NDNF: variants seen among roughly 807,000 people sequenced by gnomAD.
NDNF encodes the protein neuron derived neurotrophic factor.
Under a neutral mutation model 42.0 loss-of-function variants are expected in NDNF, and 16 were observed. The ratio of observed to expected loss-of-function variants is 0.38; its 90% confidence interval spans 0.26 to 0.58. The LOEUF is 0.58. Ranked by LOEUF, NDNF falls within the 20% of genes least tolerant of loss-of-function variation. The pLI, the probability that NDNF is intolerant of heterozygous loss-of-function variation, is 0.67. For missense variants in NDNF, 616 were observed against 666.2 expected (o/e 0.92, Z 0.83); for synonymous variants, 248 against 251.7 (o/e 0.99, Z 0.14).
intron 1 of NDNF, among the ~76,000 whole-genome samples, chr4:121,060,898 T>G (rs1293471716): frequency 6.6e-6 from 1 of 152,128 alleles, no homozygotes; most frequent in African/African-American, 2.4e-5. Flanking sequence ...AGTGCCAAAG[T>G]ACAAGACAAA....
Position 121,036,985 on chromosome 4 carries a change from C to A in NDNF, c.986G>T (p.Gly329Val), listed in dbSNP as rs1726885057. 6.2e-7 allele frequency: 1 copy of A among 1,613,852 alleles called. No individual in the cohort carries two copies. Among genetic ancestry groups the A allele is most frequent in the Non-Finnish European group, 8.5e-7 (1 of 1,180,020 alleles). ...INSNMSTAYV[G>V]TFARTKEEAK... ...TTCTTCCTTGGTCCTGGCAAAGGTA[C>A]CTACATAAGCGGTGCTCATGTTGCT... is the stretch of plus-strand genomic sequence containing the variant. Residue 329 changes from glycine (G) to valine (V), a missense_variant, in exon 4 of 4, where the codon GGT becomes GTT. Coordinates refer to ENST00000379692, the MANE Select transcript of NDNF (RefSeq NM_024574.4).
intron 3 of NDNF, among the ~76,000 whole-genome samples, chr4:121,039,184 GTGTGTGTGTATA>G (rs1347923041): frequency 3.5e-3 from 56 of 15,838 alleles, no homozygotes; most frequent in Non-Finnish European, 4.4e-3. Flanking sequence ...GACTATGTGT[GTGTGTGTGTATA>G]TATATATATA....
At chr4:121,058,002 C>T (rs550858174) in intron 1 of NDNF, among the ~76,000 whole-genome samples, 9 of 152,270 alleles carry the variant, frequency 5.9e-5, no homozygotes, top group South Asian at 4.1e-4. Context: ...GTTACTTTCT[C>T]GTCTCACTTG....
chr4:121,060,724 G>A (rs1192740579), intron 1 of NDNF, among the ~76,000 whole-genome samples: 2 of 152,128 alleles, frequency 1.3e-5, no homozygotes, highest in African/African-American at 4.8e-5. Flanking sequence ...TAAAAAAAGT[G>A]ATGCTTCATT....
At chr4:121,039,157 G>GTA (rs1269461521) in intron 3 of NDNF, among the ~76,000 whole-genome samples, 180 of 6,446 alleles carry the variant, frequency 0.028, 6 homozygotes, top group East Asian at 0.056. Context: ...ATATATATAT[G>GTA]TATATATATA....
At chr4:121,045,335 G>C (rs1452315208) in intron 2 of NDNF, among the ~76,000 whole-genome samples, 2 of 149,792 alleles carry the variant, frequency 1.3e-5, no homozygotes, top group Non-Finnish European at 3.0e-5. Context: ...CTGGGCAACA[G>C]AGCGAGACTC....
At chr4:121,059,519 G>A (rs570929485) in intron 1 of NDNF, among the ~76,000 whole-genome samples, 7 of 152,306 alleles carry the variant, frequency 4.6e-5, no homozygotes, top group South Asian at 4.1e-4. Context: ...GGGACATCAC[G>A]GATATCCACT....
At chr4:121,045,337 G>A (rs1303757474) in intron 2 of NDNF, among the ~76,000 whole-genome samples, 1 of 150,710 alleles carries the variant, frequency 6.6e-6, no homozygotes, top group African/African-American at 2.4e-5. Context: ...GGGCAACAGA[G>A]CGAGACTCCG....
At chr4:121,053,484 G>A (rs1727234699) in intron 1 of NDNF, among the ~76,000 whole-genome samples, 1 of 152,146 alleles carries the variant, frequency 6.6e-6, no homozygotes, top group African/African-American at 2.4e-5. Context: ...GAAGAATAAT[G>A]AATAACAGAA....
chr4:121,049,954 C>T (rs893291104), intron 1 of NDNF, among the ~76,000 whole-genome samples: 1 of 152,180 alleles, frequency 6.6e-6, no homozygotes, highest in Non-Finnish European at 1.5e-5. Flanking sequence ...TATCTAATAA[C>T]ATGCAACTAC....
chr4:121,064,059 AT>A (rs1325853462), intron 1 of NDNF, among the ~76,000 whole-genome samples: 1 of 152,238 alleles, frequency 6.6e-6, no homozygotes, highest in Non-Finnish European at 1.5e-5. Context: ...GAATAATTAA[AT>A]TGTAAAAAAC....
chr4:121,059,717 G>A (rs1027694681), intron 1 of NDNF, among the ~76,000 whole-genome samples: 9 of 152,208 alleles, frequency 5.9e-5, no homozygotes, highest in Non-Finnish European at 8.8e-5. Flanking sequence ...CACAGGAATG[G>A]CATAGACGGG....
chr4:121,036,255 A>G lies in NDNF; in HGVS notation c.*9T>C. 2 of 1,580,566 alleles carry G rather than the reference A, an allele frequency of 1.3e-6. No homozygotes were observed. Among genetic ancestry groups the G allele is most frequent in the Non-Finnish European group, 1.7e-6 (2 of 1,166,300 alleles). On this transcript the variant is annotated 3_prime_UTR_variant, in exon 4 of 4. Coordinates refer to ENST00000379692, the MANE Select transcript of NDNF (RefSeq NM_024574.4). ...GAGTTCTACATAATATATCTCTATA[A>G]GAAGGTAACTAACAGAACTTTCTAG...
intron 1 of NDNF, chr4:121,061,397 C>G (rs1205507027): frequency 6.5e-6 from 1 of 153,438 alleles, no homozygotes; most frequent in Non-Finnish European, 1.5e-5. Context: ...AAGGGGACAC[C>G]CGCCTAGCCA....
At chr4:121,066,336 C>T (rs974566257) in intron 1 of NDNF, among the ~76,000 whole-genome samples, 1 of 152,154 alleles carries the variant, frequency 6.6e-6, no homozygotes, top group African/African-American at 2.4e-5. Context: ...GGCAACAAAT[C>T]TCTCTTCAAT....
chr4:121,068,038 C>T (rs1727530220), intron 1 of NDNF, among the ~76,000 whole-genome samples: 1 of 152,176 alleles, frequency 6.6e-6, no homozygotes, highest in African/African-American at 2.4e-5. Flanking sequence ...AACAGACTTA[C>T]ACTGAAATGG....
intron 1 of NDNF, among the ~76,000 whole-genome samples, chr4:121,067,173 C>A (rs1350359887): frequency 6.6e-6 from 1 of 152,134 alleles, no homozygotes; most frequent in Admixed American, 6.6e-5. Context: ...CTTTATATAA[C>A]CTTACCATTA....
In NDNF at chr4:121,036,974, T is replaced by C. The variant is rs202121255; in HGVS notation, c.997A>G (p.Arg333Gly). 5.6e-5 allele frequency: 91 copies of C among 1,613,904 alleles called. No homozygotes were observed. The highest frequency in any genetic ancestry group is 6.3e-5 in the Non-Finnish European group (74 of 1,180,038). The change falls in exon 4 of 4, where the codon AGG becomes GGG. Residue 333 changes from arginine to glycine, a missense_variant. Coordinates refer to ENST00000379692, the MANE Select transcript of NDNF (RefSeq NM_024574.4). Reference protein sequence around the residue: ...MSTAYVGTFARTKEEAKQKTV... With the variant: ...MSTAYVGTFAGTKEEAKQKTV... ...TTCTGTTTGGCTTCTTCCTTGGTCCTGGCAAAGGTACCTACATAAGCGGTG... is the reference window on the plus strand; with the variant it reads ...TTCTGTTTGGCTTCTTCCTTGGTCCCGGCAAAGGTACCTACATAAGCGGTG...
intron 1 of NDNF, among the ~76,000 whole-genome samples, chr4:121,060,703 A>G (rs1057468607): frequency 6.6e-6 from 1 of 152,208 alleles, no homozygotes; most frequent in African/African-American, 2.4e-5. Context: ...AGAATAATAA[A>G]TTGAATAGAG....
Sources: allele counts gnomAD v4.1 joint callset (sites outside exome capture counted in the v4.1 genomes callset), GRCh38; gene constraint gnomAD v4.1.1; transcripts MANE v1.5; gene names NCBI Gene and HGNC (gene_info 2026-07-23, HGNC 2026-07-21).